The following MYCBP2 variants were observed in gnomAD, a reference collection of about 807,000 sequenced individuals.
The protein encoded by MYCBP2 is MYC binding protein 2, also known as E3 ubiquitin-protein ligase MYCBP2.
MYCBP2 carries 120 observed loss-of-function variants against 525.3 expected under a neutral mutation model. The observed-to-expected ratio is 0.23, with a 90% confidence interval of 0.20 to 0.27. The LOEUF is 0.27. Among genes scored for constraint, MYCBP2 ranks in the 10% least tolerant of loss-of-function variants. MYCBP2 has a pLI of 1.00. For missense variants in MYCBP2, 4,149 were observed against 5,657.1 expected (o/e 0.73, Z 8.55); for synonymous variants, 1,894 against 1,955.8 (o/e 0.97, Z 0.83).
intron 1 of MYCBP2, among the ~76,000 whole-genome samples, chr13:77,297,738 C>A (rs1162588908): frequency 6.6e-6 from 1 of 152,162 alleles, no homozygotes; most frequent in Non-Finnish European, 1.5e-5. Flanking sequence ...GAGTAACAAG[C>A]AGATGAAAAT....
intron 21 of MYCBP2, among the ~76,000 whole-genome samples, chr13:77,214,514 G>A (rs1417689040): frequency 1.3e-5 from 2 of 151,972 alleles, no homozygotes; most frequent in Non-Finnish European, 1.5e-5. Flanking sequence ...ATGCTGAAGC[G>A]AAAAGAGCAA....
chr13:77,120,794 A>G (rs1333055328), intron 55 of MYCBP2, among the ~76,000 whole-genome samples: 1 of 152,204 alleles, frequency 6.6e-6, no homozygotes, highest in Non-Finnish European at 1.5e-5. Flanking sequence ...AGCTGTATAT[A>G]TATTATATTC....
intron 3 of MYCBP2, 70 bp downstream of exon 3, chr13:77,288,091 G>GTA (rs1298712272): frequency 7.0e-7 from 1 of 1,425,432 alleles, no homozygotes; most frequent in African/African-American, 1.4e-5. Context: ...TTAGCAATGC[G>GTA]TATATATGCA....
chr13:77,066,349 A>T (rs187014627), intron 71 of MYCBP2, among the ~76,000 whole-genome samples: 3 of 152,354 alleles, frequency 2.0e-5, no homozygotes, highest in Admixed American at 2.0e-4. Context: ...TCCAGGGACC[A>T]CACACGACTT....
At chr13:77,116,504 G>A (rs900706914) in intron 55 of MYCBP2, among the ~76,000 whole-genome samples, 1 of 151,496 alleles carries the variant, frequency 6.6e-6, no homozygotes. Flanking sequence ...ACTTTTTTTT[G>A]TGATGCTAAA....
Position 77,199,827 on chromosome 13 carries a change from G to A in MYCBP2, c.3843+5429C>T, listed in dbSNP as rs2062251789. ...GGTACTCCAACAGACCTGCAGCTGA[G>A]GGTCCTGTCTGTTAAAAGGAAAACT... is the stretch of plus-strand genomic sequence containing the variant. On this transcript the variant is annotated intron_variant, in intron 26 of 82. Transcript: ENST00000544440. Among the ~76,000 whole-genome samples, 2 of 152,148 alleles carry A rather than the reference G, an allele frequency of 1.3e-5. 1 individual carries two copies. The highest frequency in any genetic ancestry group is 4.8e-5 in the African/African-American group (2 of 41,426).
intron 55 of MYCBP2, chr13:77,109,816 T>G (rs940594751): frequency 2.6e-5 from 4 of 152,224 alleles, no homozygotes; most frequent in African/African-American, 9.6e-5. Context: ...ATTAATACTT[T>G]TATAATTTCT....
At chr13:77,286,755 CAAAAAAAAAAAAAAAA>C (rs869038227) in intron 3 of MYCBP2, among the ~76,000 whole-genome samples, 3 of 11,352 alleles carry the variant, frequency 2.6e-4, no homozygotes, top group African/African-American at 9.1e-4. Context: ...GACTCCGTCT[CAAAAAAAAAAAAAAAA>C]AAAAAAAAAA....
Position 77,056,803 on chromosome 13 carries a change from T to C in MYCBP2, c.13437+183A>G, listed in dbSNP as rs7988781. ...AATGTAATCAGTTTTAAATGGACAA[T>C]TACTGTTTTGAGATGCATTATAACA... On this transcript the variant is annotated intron_variant, in intron 79 of 82. Coordinates refer to ENST00000544440, the MANE Select transcript of MYCBP2 (RefSeq NM_015057.5). 2.4e-3 allele frequency among the ~76,000 whole-genome samples: 360 copies of C among 152,326 alleles called. 5 individuals carry two copies. The highest frequency in any genetic ancestry group is 8.4e-3 in the African/African-American group (350 of 41,578).
At position 77,212,106 on chromosome 13, in the gene MYCBP2, C is replaced by A. The variant is rs2064095865; in HGVS notation, c.3112G>T (p.Ala1038Ser). The A allele has an allele frequency of 6.2e-7, 1 of 1,614,010 alleles. No individual in the cohort carries two copies. Among genetic ancestry groups the A allele is most frequent in the African/African-American group, 1.3e-5 (1 of 74,944 alleles). The change falls in exon 22 of 83, where the codon GCT (alanine) becomes TCT (serine). Residue 1038 changes from alanine (A) to serine (S), a missense_variant. Physicochemically the swap from Ala to Ser is moderately conservative, Grantham distance 99 (BLOSUM62 1). This residue lies in a region of MYCBP2 where 620 missense variants were observed against 795.5 expected (regional missense o/e 0.78). Coordinates refer to ENST00000544440, the MANE Select transcript of MYCBP2 (RefSeq NM_015057.5). ...LDVPYWNAKP[A>S]PMPNIGSKYG... ...TTTGATCCAATGTTAGGCATGGGAG[C>A]TGGCTTTGCATTCCAATATGGCACA...
intron 35 of MYCBP2, among the ~76,000 whole-genome samples, chr13:77,177,150 A>C (rs1315640584): frequency 8.1e-6 from 1 of 123,748 alleles, no homozygotes; most frequent in African/African-American, 3.7e-5. Flanking sequence ...TGACAATATA[A>C]AAAAAAAAAA....
intron 17 of MYCBP2, among the ~76,000 whole-genome samples, chr13:77,239,512 A>C (rs563439907): frequency 6.6e-6 from 1 of 152,266 alleles, no homozygotes; most frequent in East Asian, 1.9e-4. Context: ...ATAAATTCTG[A>C]TTCATTAGGC....
chr13:77,108,235 T>C lies in MYCBP2; in HGVS notation c.8141-9222A>G, dbSNP rs1468860887. On this transcript the variant is annotated intron_variant, in intron 55 of 82. Coordinates refer to ENST00000544440, the MANE Select transcript of MYCBP2 (RefSeq NM_015057.5). ...TCTCTAAATGACATCTACACATAAT[T>C]GAACTTGAAGAAAACATACTCATAG... Among the ~76,000 whole-genome samples, 3 of 152,256 alleles carry C rather than the reference T, an allele frequency of 2.0e-5. No homozygotes were observed. The East Asian group carries it at 5.8e-4, about 29-fold the overall frequency.
In MYCBP2 at chr13:77,055,650, C is replaced by T; in HGVS notation, c.13555G>A (p.Ala4519Thr). 2 of 1,614,092 alleles carry T rather than the reference C, an allele frequency of 1.2e-6. No individual in the cohort carries two copies. The highest frequency in any genetic ancestry group is 2.2e-5 in the East Asian group (1 of 44,864). ...LEYEGLHKSE[A>T]ITTPGVRFYN... Reference sequence around the variant, plus strand: ...AACCTCACACCAGGAGTTGTGATAGCTTCACTCTTATGCAGACCTTCATAT... The same window carrying T: ...AACCTCACACCAGGAGTTGTGATAGTTTCACTCTTATGCAGACCTTCATAT... Residue 4519 changes from alanine to threonine, a missense_variant, in exon 80 of 83, where the codon GCT (alanine) becomes ACT (threonine). Around this residue, in one of 21 missense-constraint regions of MYCBP2, gnomAD observed 220 missense variants for 396.0 expected, o/e 0.56. Transcript: ENST00000544440.
intron 4 of MYCBP2, among the ~76,000 whole-genome samples, chr13:77,277,985 A>T (rs1347358385): frequency 6.6e-6 from 1 of 152,222 alleles, no homozygotes; most frequent in African/African-American, 2.4e-5. Flanking sequence ...AAAGGATTAC[A>T]TGTTGAGTCT....
rs6562986 is a variant in MYCBP2, at chr13:77,174,931, A to T, written c.5473-442T>A. ...TATATAATATATATTATATATATAT[A>T]ATATATATATATTTTATATATTATA... is the stretch of plus-strand genomic sequence containing the variant. On this transcript the variant is annotated intron_variant, in intron 36 of 82. Transcript: ENST00000544440. Among the ~76,000 whole-genome samples the T allele has an allele frequency of 9.1e-3, 31 of 3,390 alleles. 1 individual carries two copies. The highest frequency in any genetic ancestry group is 0.018 in the Admixed American group (4 of 218). The allele number at this position is 3,390 out of a possible 152,430, so 2.2% of individuals were successfully genotyped here. A position where few individuals can be genotyped will look rare whatever the true frequency, so the allele number is the denominator to read the frequency against.
intron 2 of MYCBP2, among the ~76,000 whole-genome samples, chr13:77,292,958 CAAAAAAAA>C (rs548135428): frequency 1.6e-5 from 1 of 61,290 alleles, no homozygotes; most frequent in Non-Finnish European, 3.5e-5. Context: ...GACTCCGTCT[CAAAAAAAA>C]AAAAAAAAAA....
Position 77,273,654 on chromosome 13 carries a change from G to T in MYCBP2, c.763C>A (p.Leu255Ile). 6.5e-7 allele frequency: 1 copy of T among 1,542,982 alleles called. No homozygotes were observed. The highest frequency in any genetic ancestry group is 2.2e-5 in the Admixed American group (1 of 45,602). The change falls in exon 5 of 83, where the codon CTT becomes ATT. Residue 255 changes from leucine (L) to isoleucine (I), a missense_variant. Leu to Ile is a conservative substitution (Grantham distance 5, BLOSUM62 2). Coordinates refer to ENST00000544440, the MANE Select transcript of MYCBP2 (RefSeq NM_015057.5). Reference sequence around the variant, plus strand: ...CTTCGAACGGTGATTTCCAAAAGAAGCTGGAAGAGAGACTCTGTGGATAAA... The same window carrying T: ...CTTCGAACGGTGATTTCCAAAAGAATCTGGAAGAGAGACTCTGTGGATAAA... The part of the protein sequence containing the change: ...PPEVLESLFQ[L>I]LLEITVRSTG...
intron 82 of MYCBP2, 75 bp downstream of exon 82, chr13:77,050,920 CAG>C (rs2036668282): frequency 1.6e-6 from 2 of 1,282,606 alleles, no homozygotes; most frequent in Non-Finnish European, 2.2e-6. Context: ...TCACTTGAAA[CAG>C]AGCTTTCATA....
Sources: gnomAD v4.1 joint callset for allele counts (sites outside exome capture counted in the v4.1 genomes callset) on GRCh38, gnomAD v4.1.1 for gene constraint, gnomAD v4.1.1 regional missense constraint, MANE v1.5 for transcripts, NCBI Gene and HGNC (gene_info 2026-07-23, HGNC 2026-07-21) for gene names.